Variants in AGBL1 observed in about 807,000 individuals in gnomAD.
AGBL1 encodes the protein cytosolic carboxypeptidase 4.
Under a neutral mutation model 118.9 loss-of-function variants are expected in AGBL1, and 130 were observed. The ratio of observed to expected loss-of-function variants is 1.09; its 90% confidence interval spans 0.95 to 1.26. The LOEUF (loss-of-function observed/expected upper bound fraction) is 1.26. Ranked by LOEUF, AGBL1 falls within the 50% of genes most tolerant of loss-of-function variation. The pLI is 0.00. For missense variants in AGBL1, 1,584 were observed against 1,298.1 expected (o/e 1.22, Z -3.38); for synonymous variants, 555 against 478.9 (o/e 1.16, Z -2.08).
chr15:86,258,060 A>G (rs1567160897), intron 9 of AGBL1, 29 bp downstream of exon 9: 1 of 1,605,190 alleles, frequency 6.2e-7, no homozygotes, highest in Middle Eastern at 1.7e-4. Context: ...GCTTCTAATG[A>G]TGTCCATAGT....
Position 86,522,957 on chromosome 15 carries a change from G to A in AGBL1, c.2685+18G>A. 6.2e-7 allele frequency: 1 copy of A among 1,612,084 alleles called. No individual in the cohort carries two copies. The highest frequency in any genetic ancestry group is 8.5e-7 in the Non-Finnish European group (1 of 1,178,212). On this transcript the variant is annotated intron_variant, in intron 19 of 22. Transcript: ENST00000614907. ...GTCCCGTGGTGAGTCACTTCCTTCT[G>A]CCTCCACCTTCCTGGCTGCTTCCTT...
chr15:86,243,722 A>G (rs1377260361), intron 6 of AGBL1, among the ~76,000 whole-genome samples: 2 of 152,036 alleles, frequency 1.3e-5, no homozygotes, highest in African/African-American at 4.8e-5. Context: ...AAAGATACTA[A>G]TGTAGGCCGG....
At chr15:86,239,995 A>T (rs1270196759) in intron 6 of AGBL1, among the ~76,000 whole-genome samples, 1 of 152,204 alleles carries the variant, frequency 6.6e-6, no homozygotes, top group Non-Finnish European at 1.5e-5. Flanking sequence ...ATCAATTAAA[A>T]ATGAAAATAA....
chr15:86,288,988 T>C (rs2079501276), intron 16 of AGBL1, among the ~76,000 whole-genome samples: 1 of 152,188 alleles, frequency 6.6e-6, no homozygotes, highest in South Asian at 2.1e-4. Context: ...CATTGTATAT[T>C]ACTATTGCCA....
chr15:86,258,120 G>A, intron 9 of AGBL1, 89 bp downstream of exon 9: 1 of 1,409,260 alleles, frequency 7.1e-7, no homozygotes. Context: ...CAAGCCCAGT[G>A]TAAATTTTAA....
intron 22 of AGBL1, among the ~76,000 whole-genome samples, chr15:86,860,189 C>T (rs1322452334): frequency 6.6e-6 from 1 of 152,050 alleles, no homozygotes; most frequent in African/African-American, 2.4e-5. Flanking sequence ...TTGTATCTGT[C>T]AAGGGAGGGC....
At chr15:86,192,050 G>T (rs1368102063) in intron 5 of AGBL1, among the ~76,000 whole-genome samples, 1 of 151,462 alleles carries the variant, frequency 6.6e-6, no homozygotes, top group Non-Finnish European at 1.5e-5. Flanking sequence ...CCAGGGAGTT[G>T]ATTGTGCCAC....
At chr15:86,967,676 T>C (rs1336758110) in intron 23 of AGBL1, among the ~76,000 whole-genome samples, 1 of 151,852 alleles carries the variant, frequency 6.6e-6, no homozygotes, top group African/African-American at 2.4e-5. Context: ...TTCTGTTCCA[T>C]TGTTCTATAT....
At chr15:86,128,027 G>A (rs1051599789) in intron 1 of AGBL1, among the ~76,000 whole-genome samples, 1 of 152,110 alleles carries the variant, frequency 6.6e-6, no homozygotes, top group Non-Finnish European at 1.5e-5. Flanking sequence ...GGGGGTGGTT[G>A]TTTTAGTGGG....
At chr15:86,395,074 A>G (rs566751238) in intron 17 of AGBL1, among the ~76,000 whole-genome samples, 9 of 152,256 alleles carry the variant, frequency 5.9e-5, no homozygotes, top group Admixed American at 1.3e-4. Context: ...TGACTCTGCA[A>G]TATACTCTGT....
At chr15:86,573,601 C>G (rs1375541847) in intron 21 of AGBL1, among the ~76,000 whole-genome samples, 1 of 152,180 alleles carries the variant, frequency 6.6e-6, no homozygotes, top group African/African-American at 2.4e-5. Flanking sequence ...CTCCTCCTTT[C>G]GTATTCTAAT....
intron 1 of AGBL1, among the ~76,000 whole-genome samples, chr15:86,088,756 A>G (rs2043118674): frequency 1.3e-5 from 2 of 152,106 alleles, no homozygotes; most frequent in Admixed American, 1.3e-4. Flanking sequence ...CTTTAAAGAC[A>G]CTCATGGTTT....
At chr15:86,200,310 G>C (rs962965364) in intron 5 of AGBL1, among the ~76,000 whole-genome samples, 5 of 152,112 alleles carry the variant, frequency 3.3e-5, no homozygotes, top group African/African-American at 1.2e-4. Flanking sequence ...AATTTTTTTA[G>C]TGAGCTTCCT....
At chr15:86,544,728 G>T (rs1481199207) in intron 19 of AGBL1, among the ~76,000 whole-genome samples, 1 of 152,170 alleles carries the variant, frequency 6.6e-6, no homozygotes, top group Non-Finnish European at 1.5e-5. Context: ...TTGACATGTG[G>T]AGATTATTAC....
rs141386520 is a variant in AGBL1 at position 86,116,020 on chromosome 15, A to G, written c.52-25984A>G. Among the ~76,000 whole-genome samples, 257 of 152,350 alleles carry G rather than the reference A, an allele frequency of 1.7e-3. 2 individuals carry two copies. The highest frequency in any genetic ancestry group is 0.014 in the Middle Eastern group (4 of 294). On this transcript the variant is annotated intron_variant, in intron 1 of 22. Transcript: ENST00000614907. Reference sequence around the variant, plus strand: ...ACTTTTCCAACTAAAATTCTCTTATAGGAAGGAAAGTAAATAATTGAGAAC... The same window carrying G: ...ACTTTTCCAACTAAAATTCTCTTATGGGAAGGAAAGTAAATAATTGAGAAC...
chr15:86,272,396 C>T (rs779871139), intron 15 of AGBL1, among the ~76,000 whole-genome samples: 79 of 152,018 alleles, frequency 5.2e-4, no homozygotes, highest in Non-Finnish European at 1.1e-3. Flanking sequence ...ATAGGGATTG[C>T]TATGAGAGGT....
rs568069402 is a variant in AGBL1, at chr15:86,158,842, C to T, written c.395-91C>T. ...GGAGCTATCTTGTTTATCAAGTTGC[C>T]CCTTAAAGATTTAAAGGAGTCAATC... is the stretch of plus-strand genomic sequence containing the variant. On this transcript the variant is annotated intron_variant, in intron 4 of 22. Transcript: ENST00000614907. The T allele has an allele frequency of 3.7e-6, 4 of 1,074,600 alleles. No homozygotes were observed. In the East Asian group the frequency reaches 7.4e-5, roughly 20 times the overall value. 66.6% of individuals were successfully genotyped at this position (1,074,600 alleles called of 1,614,324 possible). A position where few individuals can be genotyped will look rare whatever the true frequency, so the allele number is the denominator to read the frequency against.
intron 18 of AGBL1, among the ~76,000 whole-genome samples, chr15:86,416,966 A>G (rs1465919956): frequency 6.6e-6 from 1 of 152,210 alleles, no homozygotes; most frequent in Non-Finnish European, 1.5e-5. Flanking sequence ...TATCCCTATT[A>G]TTCCACAGAG....
At chr15:86,853,713 C>A (rs1294052491) in intron 22 of AGBL1, among the ~76,000 whole-genome samples, 1 of 152,186 alleles carries the variant, frequency 6.6e-6, no homozygotes, top group Non-Finnish European at 1.5e-5. Flanking sequence ...GTGCAGCCAT[C>A]GCTACATCTA....
Sources: allele counts gnomAD v4.1 joint callset (sites outside exome capture counted in the v4.1 genomes callset), GRCh38; gene constraint gnomAD v4.1.1; transcripts MANE v1.5; gene names NCBI Gene and HGNC (gene_info 2026-07-23, HGNC 2026-07-21).